CTNNA3: variants seen among roughly 807,000 people sequenced by gnomAD.
CTNNA3 encodes catenin alpha 3.
A neutral mutation model predicts 95.7 loss-of-function variants in CTNNA3; 76 were observed. That is an observed-to-expected ratio of 0.79 (90% CI 0.66 to 0.96). CTNNA3 has a LOEUF of 0.96. Among genes scored for constraint, CTNNA3 ranks in the 40% least tolerant of loss-of-function variants. The probability of loss-of-function intolerance (pLI) is 0.00; values close to 1 mark genes in which losing one functional copy is unlikely to be tolerated. For synonymous variants in CTNNA3, 431 were observed against 374.4 expected (o/e 1.15, Z -1.74); for missense variants, 1,191 against 1,089.8 (o/e 1.09, Z -1.31).
intron 1 of CTNNA3, among the ~76,000 whole-genome samples, chr10:67,756,369 T>G (rs1841433078): frequency 6.6e-6 from 1 of 152,196 alleles, no homozygotes; most frequent in African/African-American, 2.4e-5. Context: ...TTTAAGGTGA[T>G]GGATATCCTA....
At chr10:65,955,730 G>T (rs990799390) in intron 17 of CTNNA3, among the ~76,000 whole-genome samples, 11 of 152,144 alleles carry the variant, frequency 7.2e-5, no homozygotes, top group Non-Finnish European at 1.6e-4. Flanking sequence ...TCATCCCAGG[G>T]ATGAAGCCTA....
chr10:66,755,574 A>T (rs988740783), intron 9 of CTNNA3, among the ~76,000 whole-genome samples: 1 of 152,150 alleles, frequency 6.6e-6, no homozygotes, highest in Non-Finnish European at 1.5e-5. Flanking sequence ...AAAAATTATC[A>T]ATACGAAATA....
At chr10:66,430,589 A>C (rs770571153) in intron 11 of CTNNA3, among the ~76,000 whole-genome samples, 15 of 152,224 alleles carry the variant, frequency 9.9e-5, no homozygotes, top group Non-Finnish European at 8.8e-5. Flanking sequence ...AGCCCTCAGA[A>C]ATAATACCAC....
intron 11 of CTNNA3, among the ~76,000 whole-genome samples, chr10:66,456,540 G>A (rs2093496330): frequency 6.6e-6 from 1 of 152,126 alleles, no homozygotes; most frequent in South Asian, 2.1e-4. Context: ...GCTGGGCATA[G>A]TGGCACATGA....
At chr10:66,435,793 C>G (rs1374594098) in intron 11 of CTNNA3, among the ~76,000 whole-genome samples, 1 of 152,124 alleles carries the variant, frequency 6.6e-6, no homozygotes, top group Middle Eastern at 3.2e-3. Flanking sequence ...TTAGATCTTT[C>G]CTGCTTTCTC....
At chr10:66,071,997 G>C (rs73310124) in intron 14 of CTNNA3, among the ~76,000 whole-genome samples, 3,457 of 152,246 alleles carry the variant, frequency 0.023, 134 homozygotes, top group African/African-American at 0.08. Context: ...TAAAGGACAA[G>C]ATAGTGATAT....
chr10:65,935,594 A>T (rs950104547), intron 17 of CTNNA3, among the ~76,000 whole-genome samples: 7 of 152,164 alleles, frequency 4.6e-5, no homozygotes, highest in Non-Finnish European at 8.8e-5. Context: ...AGTTTAAATG[A>T]TGAGAAAATG....
chr10:66,509,951 T>C (rs1347757356), intron 11 of CTNNA3, among the ~76,000 whole-genome samples: 3 of 152,006 alleles, frequency 2.0e-5, no homozygotes, highest in Non-Finnish European at 4.4e-5. Context: ...AGTGTTATTT[T>C]GATAAGGATT....
intron 12 of CTNNA3, among the ~76,000 whole-genome samples, chr10:66,356,248 G>A (rs1467547619): frequency 1.3e-5 from 2 of 150,936 alleles, no homozygotes; most frequent in Non-Finnish European, 3.0e-5. Flanking sequence ...ATTTTGACTG[G>A]TATTGTAACA....
Position 66,907,399 on chromosome 10 carries a change from C to T in CTNNA3, c.1048-131875G>A, listed in dbSNP as rs538706097. ...TACTAATAACTTTTCACTTGAGCCT[C>T]TTAGATATTTCAGGTAGACAATCCA... is the stretch of plus-strand genomic sequence containing the variant. On this transcript the variant is annotated intron_variant, in intron 7 of 17. Transcript: ENST00000433211. Among the ~76,000 whole-genome samples the T allele has an allele frequency of 5.9e-5, 9 of 152,152 alleles. No homozygotes were observed. The East Asian group carries it at 1.2e-3, about 20-fold the overall frequency.
chr10:67,133,361 A>ACATG, intron 7 of CTNNA3, among the ~76,000 whole-genome samples: 2 of 96,348 alleles, frequency 2.1e-5, no homozygotes, highest in African/African-American at 1.1e-4. Context: ...ATACATACAT[A>ACATG]CATACATATA....
At chr10:66,503,062 A>G (rs189441218) in intron 11 of CTNNA3, among the ~76,000 whole-genome samples, 1 of 152,316 alleles carries the variant, frequency 6.6e-6, no homozygotes, top group East Asian at 1.9e-4. Context: ...AGTGCTCCTT[A>G]AAGAGATTTA....
At chr10:66,370,230 A>C (rs1185521913) in intron 12 of CTNNA3, among the ~76,000 whole-genome samples, 1 of 152,158 alleles carries the variant, frequency 6.6e-6, no homozygotes, top group Non-Finnish European at 1.5e-5. Flanking sequence ...CAATAAATAT[A>C]TAACCAGACT....
chr10:66,500,174 A>G (rs1234662295), intron 11 of CTNNA3, among the ~76,000 whole-genome samples: 1 of 152,136 alleles, frequency 6.6e-6, no homozygotes, highest in East Asian at 1.9e-4. Context: ...TCACACATAC[A>G]CTATTTATTA....
intron 11 of CTNNA3, among the ~76,000 whole-genome samples, chr10:66,437,548 T>G (rs1389645749): frequency 3.3e-5 from 5 of 152,122 alleles, no homozygotes; most frequent in African/African-American, 1.2e-4. Flanking sequence ...AGGTCATTTA[T>G]GTTCTTCTCT....
At chr10:66,199,784 TATATATATATATATATA>T (rs1564755884) in intron 13 of CTNNA3, among the ~76,000 whole-genome samples, 2 of 11,872 alleles carry the variant, frequency 1.7e-4, no homozygotes, top group African/African-American at 5.6e-4. Flanking sequence ...TATATATATA[TATATATATATATATATA>T]TATATTTTTT....
At chr10:67,329,265 G>T (rs1329539642) in intron 5 of CTNNA3, among the ~76,000 whole-genome samples, 1 of 152,222 alleles carries the variant, frequency 6.6e-6, no homozygotes, top group Admixed American at 6.5e-5. Context: ...CAGCTACTTG[G>T]AGTGCTGAGG....
At chr10:66,701,174 C>T (rs1847930180) in intron 9 of CTNNA3, among the ~76,000 whole-genome samples, 1 of 152,148 alleles carries the variant, frequency 6.6e-6, no homozygotes, top group Non-Finnish European at 1.5e-5. Flanking sequence ...CAGTTGTCTA[C>T]ATCCATGTAG....
intron 3 of CTNNA3, among the ~76,000 whole-genome samples, chr10:67,574,839 C>G (rs1842093286): frequency 6.6e-6 from 1 of 152,112 alleles, no homozygotes; most frequent in African/African-American, 2.4e-5. Context: ...CCTCGGCCTC[C>G]CAAAGTGTTG....
Sources: allele counts gnomAD v4.1 joint callset (sites outside exome capture counted in the v4.1 genomes callset), GRCh38; gene constraint gnomAD v4.1.1; transcripts MANE v1.5; gene names NCBI Gene and HGNC (gene_info 2026-07-23, HGNC 2026-07-21).